Variants in CABCOCO1 observed in about 807,000 individuals in gnomAD.
CABCOCO1 encodes the protein ciliary-associated calcium-binding coiled-coil protein 1.
A neutral mutation model predicts 35.7 loss-of-function variants in CABCOCO1; 28 were observed. The observed-to-expected ratio is 0.78, with a 90% CI of 0.58 to 1.07. The LOEUF (loss-of-function observed/expected upper bound fraction) is 1.07, where lower values mean the gene tolerates loss of function less well. Among genes scored for constraint, CABCOCO1 ranks in the 50% least tolerant of loss-of-function variants. The pLI is 0.00. For synonymous variants in CABCOCO1, 95 were observed against 100.1 expected, an observed-to-expected ratio of 0.95 and a Z score of 0.30; for missense variants, 326 against 309.2, an observed-to-expected ratio of 1.05 and a Z score of -0.41.
chr10:61,684,669 C>T (rs1331447536), intron 3 of CABCOCO1, among the ~76,000 whole-genome samples: 4 of 152,108 alleles, frequency 2.6e-5, no homozygotes, highest in East Asian at 1.9e-4. Flanking sequence ...CTCCCCCAGG[C>T]GGCCTGTCCA....
chr10:61,680,478 A>ATATATATAACATATTATATGTTATGT (rs1839694861), intron 2 of CABCOCO1, among the ~76,000 whole-genome samples: 1 of 25,484 alleles, frequency 3.9e-5, no homozygotes, highest in Admixed American at 4.6e-4. Context: ...ATATATATTT[A>ATATATATAACATATTATATGTTATGT]TATATATAAC....
intron 4 of CABCOCO1, among the ~76,000 whole-genome samples, chr10:61,686,564 G>A (rs1402943958): frequency 1.3e-5 from 2 of 151,896 alleles, no homozygotes; most frequent in Admixed American, 1.3e-4. Context: ...CTATGTTTTA[G>A]GTAGTTGATC....
chr10:61,690,638 G>A lies in CABCOCO1; in HGVS notation c.552+17G>A, dbSNP rs1281605117. 2.6e-6 allele frequency: 4 copies of A among 1,529,486 alleles called. No individual in the cohort carries two copies. Among genetic ancestry groups the A allele is most frequent in the Non-Finnish European group, 2.7e-6 (3 of 1,106,770 alleles). 94.7% of individuals were successfully genotyped at this position (1,529,486 alleles called of 1,614,324 possible). A position where few individuals can be genotyped will look rare whatever the true frequency, so the allele number is the denominator to read the frequency against. ...GGAACTGAGGTAAGTAATTTATCTA[G>A]ATGGAACAAGTTAAGCAGAATCACT... On this transcript the variant is annotated intron_variant, in intron 5 of 7. Coordinates refer to ENST00000648843, the MANE Select transcript of CABCOCO1 (RefSeq NM_001366906.2).
chr10:61,728,824 C>T (rs925803865), intron 5 of CABCOCO1, among the ~76,000 whole-genome samples: 3 of 152,170 alleles, frequency 2.0e-5, no homozygotes, highest in Non-Finnish European at 4.4e-5. Flanking sequence ...ATTCCTAAGC[C>T]TTTCCTTCTT....
chr10:61,690,063 T>TTA (rs1295466159), intron 4 of CABCOCO1, among the ~76,000 whole-genome samples: 1 of 152,126 alleles, frequency 6.6e-6, no homozygotes, highest in Non-Finnish European at 1.5e-5. Context: ...ATTTTTCAGG[T>TTA]ATTATTATAG....
rs139919059 is a variant in CABCOCO1, at chr10:61,723,319, C to T, written c.552+32698C>T. Among the ~76,000 whole-genome samples the T allele has an allele frequency of 2.5e-3, 380 of 152,118 alleles. 3 individuals are homozygous for T. Among genetic ancestry groups the T allele is most frequent in the Non-Finnish European group, 4.1e-3 (278 of 67,990 alleles). On this transcript the variant is annotated intron_variant, in intron 5 of 7. Coordinates refer to ENST00000648843, the MANE Select transcript of CABCOCO1 (RefSeq NM_001366906.2). Reference sequence around the variant, plus strand: ...ACTGATAGGGGCTTTTACTAAAATACGAATATAAGAATATTTAACATTTTT... The same window carrying T: ...ACTGATAGGGGCTTTTACTAAAATATGAATATAAGAATATTTAACATTTTT...
chr10:61,759,622 C>T (rs942657416), intron 5 of CABCOCO1, among the ~76,000 whole-genome samples: 1 of 152,028 alleles, frequency 6.6e-6, no homozygotes, highest in African/African-American at 2.4e-5. Context: ...ATGGCCACTT[C>T]AGCAGCTACA....
At chr10:61,742,022 G>A (rs887147290) in intron 5 of CABCOCO1, among the ~76,000 whole-genome samples, 7 of 152,160 alleles carry the variant, frequency 4.6e-5, no homozygotes, top group African/African-American at 1.7e-4. Context: ...GAAGGTAATG[G>A]CTGTGGTCTG....
intron 4 of CABCOCO1, among the ~76,000 whole-genome samples, chr10:61,689,103 G>A (rs1008010754): frequency 6.6e-6 from 1 of 152,182 alleles, no homozygotes; most frequent in Non-Finnish European, 1.5e-5. Flanking sequence ...TATGAACTAA[G>A]TTCTTTGTGT....
At chr10:61,728,446 G>A (rs992776261) in intron 5 of CABCOCO1, among the ~76,000 whole-genome samples, 1 of 152,002 alleles carries the variant, frequency 6.6e-6, no homozygotes, top group African/African-American at 2.4e-5. Context: ...AGATCTCTGG[G>A]CAAAAACATA....
At chr10:61,709,996 T>C (rs1015764343) in intron 5 of CABCOCO1, among the ~76,000 whole-genome samples, 1 of 152,070 alleles carries the variant, frequency 6.6e-6, no homozygotes, top group Admixed American at 6.6e-5. Context: ...ATAAACACTT[T>C]ACATAATTTG....
chr10:61,725,037 T>C (rs1454373756), intron 5 of CABCOCO1, among the ~76,000 whole-genome samples: 1 of 152,210 alleles, frequency 6.6e-6, no homozygotes, highest in Non-Finnish European at 1.5e-5. Context: ...GAAATGCCTG[T>C]TGATGTTGTT....
chr10:61,700,861 TAAC>T (rs1840430307), intron 5 of CABCOCO1, among the ~76,000 whole-genome samples: 1 of 152,088 alleles, frequency 6.6e-6, no homozygotes, highest in Non-Finnish European at 1.5e-5. Context: ...AATTATTTGA[TAAC>T]AAGCTACTAA....
At chr10:61,688,192 CATA>C (rs1302281524) in intron 4 of CABCOCO1, among the ~76,000 whole-genome samples, 2 of 152,084 alleles carry the variant, frequency 1.3e-5, no homozygotes, top group Non-Finnish European at 2.9e-5. Flanking sequence ...AATGAAATCA[CATA>C]ATATTTTTCA....
chr10:61,725,443 G>C (rs1461654215), intron 5 of CABCOCO1, among the ~76,000 whole-genome samples: 10 of 152,170 alleles, frequency 6.6e-5, no homozygotes, highest in Admixed American at 6.5e-4. Flanking sequence ...AAAAGGATGA[G>C]TTCATTTCCT....
At chr10:61,678,588 C>A (rs1052409203) in intron 2 of CABCOCO1, among the ~76,000 whole-genome samples, 12 of 151,942 alleles carry the variant, frequency 7.9e-5, no homozygotes, top group Non-Finnish European at 1.5e-4. Flanking sequence ...GATAGATTAA[C>A]TTCAAAGTTA....
chr10:61,742,644 A>G (rs1202473577), intron 5 of CABCOCO1, among the ~76,000 whole-genome samples: 1 of 152,168 alleles, frequency 6.6e-6, no homozygotes, highest in Admixed American at 6.6e-5. Context: ...GGATTATCAC[A>G]AAGTAAAAAT....
intron 1 of CABCOCO1, among the ~76,000 whole-genome samples, chr10:61,669,834 T>C (rs2131950912): frequency 6.6e-6 from 1 of 152,292 alleles, no homozygotes; most frequent in Admixed American, 6.5e-5. Flanking sequence ...TTGATCTGAA[T>C]GTCTGTATAA....
intron 7 of CABCOCO1, among the ~76,000 whole-genome samples, chr10:61,764,320 G>T (rs369668626): frequency 1.1e-4 from 17 of 152,022 alleles, no homozygotes; most frequent in East Asian, 5.8e-4. Context: ...CCAATATGTT[G>T]TATCCCATAA....
Sources: allele counts gnomAD v4.1 joint callset (sites outside exome capture counted in the v4.1 genomes callset), GRCh38; gene constraint gnomAD v4.1.1; transcripts MANE v1.5; gene names NCBI Gene and HGNC (gene_info 2026-07-23, HGNC 2026-07-21).